Variants in PLEKHA7 observed in about 807,000 individuals in gnomAD.
The protein encoded by PLEKHA7 is pleckstrin homology domain-containing family A member 7.
A neutral mutation model predicts 170.0 loss-of-function variants in PLEKHA7; 104 were observed. The ratio of observed to expected loss-of-function variants is 0.61; its 90% CI spans 0.52 to 0.72. PLEKHA7 has a LOEUF of 0.72. PLEKHA7 is among the 30% of genes least tolerant of loss of function. The probability of loss-of-function intolerance (pLI) is 0.00; values close to 1 mark genes in which losing one functional copy is unlikely to be tolerated. For synonymous variants in PLEKHA7, 648 were observed against 660.8 expected, an observed-to-expected ratio of 0.98 and a Z score of 0.30; for missense variants, 1,615 against 1,671.7, an observed-to-expected ratio of 0.97 and a Z score of 0.59.
intron 13 of PLEKHA7, chr11:16,812,510 G>A (rs1266539880): frequency 1.3e-5 from 2 of 152,216 alleles, no homozygotes; most frequent in African/African-American, 4.8e-5. Context: ...CTGTGGGCAG[G>A]GAACAATAGG....
chr11:16,790,945 T>C, intron 20 of PLEKHA7, 30 bp from the exon 21 acceptor site: 5 of 1,613,330 alleles, frequency 3.1e-6, no homozygotes, highest in Non-Finnish European at 4.2e-6. Context: ...TGATGTGACC[T>C]GCCAGTGTCA....
chr11:16,903,485 C>T (rs1363247539), intron 3 of PLEKHA7, among the ~76,000 whole-genome samples: 1 of 152,212 alleles, frequency 6.6e-6, no homozygotes, highest in Non-Finnish European at 1.5e-5. Flanking sequence ...CATAACCCAT[C>T]ACCATTGCAC....
At chr11:16,884,099 T>TGA in intron 3 of PLEKHA7, among the ~76,000 whole-genome samples, 1 of 133,392 alleles carries the variant, frequency 7.5e-6, no homozygotes, top group Admixed American at 7.7e-5. Context: ...TCCATATCCA[T>TGA]ACACAAGGAT....
At chr11:16,847,090 CTTTTTTTT>C (rs59132787) in intron 8 of PLEKHA7, among the ~76,000 whole-genome samples, 15 of 70,828 alleles carry the variant, frequency 2.1e-4, no homozygotes, top group East Asian at 5.1e-4. Context: ...TTTTTTTTTT[CTTTTTTTT>C]TTTTTTTTTT....
intron 3 of PLEKHA7, among the ~76,000 whole-genome samples, chr11:16,952,448 G>GA (rs1379878089): frequency 6.6e-6 from 1 of 152,152 alleles, no homozygotes; most frequent in Non-Finnish European, 1.5e-5. Context: ...GTAGTTCTGG[G>GA]ATGACAACCT....
rs118096457 is a variant in PLEKHA7 at position 16,946,446 on chromosome 11, G to A, written c.221+67543C>T. Among the ~76,000 whole-genome samples, 23 of 152,224 alleles carry A rather than the reference G, an allele frequency of 1.5e-4. No homozygotes were observed. The East Asian group carries it at 4.2e-3, about 28-fold the overall frequency. On this transcript the variant is annotated intron_variant, in intron 3 of 26. Transcript: ENST00000531066. Reference sequence around the variant, plus strand: ...TATACCAACCTTAAAGTGGAGGGGAGGGGGGGACTTTGAAATTGGTCACAG... The same window carrying A: ...TATACCAACCTTAAAGTGGAGGGGAAGGGGGGACTTTGAAATTGGTCACAG...
chr11:16,989,545 G>C (rs76831006), intron 3 of PLEKHA7, among the ~76,000 whole-genome samples: 7,880 of 152,250 alleles, frequency 0.052, 381 homozygotes, highest in East Asian at 0.14. Context: ...CTTTGTGACC[G>C]TAAGTTCCAC....
chr11:16,940,201 C>T (rs1590672279), intron 3 of PLEKHA7, among the ~76,000 whole-genome samples: 1 of 151,624 alleles, frequency 6.6e-6, no homozygotes, highest in African/African-American at 2.4e-5. Flanking sequence ...CAGTGGCTGG[C>T]ACATAGTAGG....
At chr11:16,801,954 G>C (rs927903463) in intron 15 of PLEKHA7, 137 bp from the exon 16 acceptor site, 5 of 1,042,896 alleles carry the variant, frequency 4.8e-6, no homozygotes, top group South Asian at 1.6e-5. Context: ...CCCACAGTCG[G>C]GGCTCTGATG....
chr11:16,949,743 A>G (rs1191530791), intron 3 of PLEKHA7, among the ~76,000 whole-genome samples: 2 of 152,192 alleles, frequency 1.3e-5, no homozygotes, highest in Non-Finnish European at 2.9e-5. Context: ...AGACATGGAT[A>G]TAAATCACCA....
chr11:16,962,003 C>G (rs746132475), intron 3 of PLEKHA7, among the ~76,000 whole-genome samples: 1 of 152,188 alleles, frequency 6.6e-6, no homozygotes, highest in Non-Finnish European at 1.5e-5. Flanking sequence ...AAGCAGGAGC[C>G]TACGTTGCAA....
intron 3 of PLEKHA7, among the ~76,000 whole-genome samples, chr11:16,944,373 G>A (rs753768957): frequency 2.0e-5 from 3 of 151,668 alleles, no homozygotes; most frequent in East Asian, 1.9e-4. Flanking sequence ...TAAGCCGGGC[G>A]CGGTGGCACA....
intron 3 of PLEKHA7, among the ~76,000 whole-genome samples, chr11:16,952,648 A>C (rs7927866): frequency 0.056 from 8,572 of 152,284 alleles, 786 homozygotes; most frequent in African/African-American, 0.19. Context: ...TGGAACCAGA[A>C]GTGTTTCAGA....
At chr11:16,883,632 T>G (rs1204120473) in intron 3 of PLEKHA7, among the ~76,000 whole-genome samples, 1 of 152,184 alleles carries the variant, frequency 6.6e-6, no homozygotes, top group African/African-American at 2.4e-5. Context: ...TCCCTAAGGA[T>G]TTCTGCCCAA....
In PLEKHA7 at chr11:16,778,262, C is replaced by T. The variant is rs1424645959; in HGVS notation, c.*736G>A. On this transcript the variant is annotated 3_prime_UTR_variant, in exon 27 of 27. Coordinates refer to ENST00000531066, the MANE Select transcript of PLEKHA7 (RefSeq NM_001329630.2). ...TCCAGCCTGGGCAACAAGAGTGAAA[C>T]TCCATCTCAAAAAAAAAAAAAGATA... 1 of 151,708 alleles carries T rather than the reference C, an allele frequency of 6.6e-6. No homozygotes were observed. Among genetic ancestry groups the T allele is most frequent in the Non-Finnish European group, 1.5e-5 (1 of 68,212 alleles). The allele number at this position is 151,708 out of a possible 1,614,324, so 9.4% of individuals were successfully genotyped here. A position where few individuals can be genotyped will look rare whatever the true frequency, so the allele number is the denominator to read the frequency against.
chr11:16,899,922 G>A (rs910331975), intron 3 of PLEKHA7, among the ~76,000 whole-genome samples: 1 of 152,204 alleles, frequency 6.6e-6, no homozygotes, highest in Non-Finnish European at 1.5e-5. Context: ...CTGGTCCCAG[G>A]TGTCAGCAGG....
At chr11:16,834,995 C>A (rs1195028119) in intron 9 of PLEKHA7, among the ~76,000 whole-genome samples, 1 of 152,138 alleles carries the variant, frequency 6.6e-6, no homozygotes, top group Non-Finnish European at 1.5e-5. Context: ...ACAGGCTAGG[C>A]GCGGTGGCTC....
At position 16,791,295 on chromosome 11, in the gene PLEKHA7, A is replaced by C. The variant is rs889867525; in HGVS notation, c.2746-96T>G. The stretch of plus-strand genomic sequence containing the variant: ...CAGTGGAGGTTTAAAGGGTAGGAAC[A>C]GGCCACATCAGAGCCACAGAACATG... On this transcript the variant is annotated intron_variant, in intron 19 of 26. Coordinates refer to ENST00000531066, the MANE Select transcript of PLEKHA7 (RefSeq NM_001329630.2). This position sits in a 1 kb window ranked among gnomAD's most constrained non-coding sequence, Gnocchi z 4.5. 1.7e-6 allele frequency: 2 copies of C among 1,178,776 alleles called. No individual in the cohort carries two copies. Among genetic ancestry groups the C allele is most frequent in the African/African-American group, 3.1e-5 (2 of 64,624 alleles). 73.0% of individuals were successfully genotyped at this position (1,178,776 alleles called of 1,614,324 possible). A position where few individuals can be genotyped will look rare whatever the true frequency, so the allele number is the denominator to read the frequency against.
chr11:16,813,905 C>T (rs1048416645), intron 12 of PLEKHA7, among the ~76,000 whole-genome samples: 5 of 152,176 alleles, frequency 3.3e-5, no homozygotes, highest in Non-Finnish European at 5.9e-5. Context: ...CATGCTTTCC[C>T]GTGTAGCAGA....
Sources: allele counts gnomAD v4.1 joint callset (sites outside exome capture counted in the v4.1 genomes callset), GRCh38; gene constraint gnomAD v4.1.1; non-coding constraint Gnocchi (gnomAD v3.1); transcripts MANE v1.5; gene names NCBI Gene and HGNC (gene_info 2026-07-23, HGNC 2026-07-21).